Variants in CYTH1 observed in about 807,000 individuals in gnomAD.
The protein encoded by CYTH1 is cytohesin-1.
A neutral mutation model predicts 61.8 loss-of-function variants in CYTH1; 18 were observed. The observed-to-expected ratio is 0.29, with a 90% CI of 0.20 to 0.43. CYTH1 has a LOEUF of 0.43. CYTH1 is among the 20% of genes least tolerant of loss of function. The pLI, the probability that CYTH1 is intolerant of heterozygous loss-of-function variation, is 1.00. For missense variants in CYTH1, 336 were observed against 510.5 expected, an observed-to-expected ratio of 0.66 and a Z score of 3.29; for synonymous variants, 174 against 184.3, an observed-to-expected ratio of 0.94 and a Z score of 0.45.
At chr17:78,687,510 A>G (rs1335356406) in intron 11 of CYTH1, among the ~76,000 whole-genome samples, 1 of 152,198 alleles carries the variant, frequency 6.6e-6, no homozygotes, top group Non-Finnish European at 1.5e-5. Context: ...CACCTGGCTT[A>G]TTCTCAAATG....
intron 11 of CYTH1, among the ~76,000 whole-genome samples, chr17:78,684,413 G>A (rs761281543): frequency 6.6e-5 from 10 of 152,216 alleles, no homozygotes; most frequent in African/African-American, 9.6e-5. Context: ...GACTCTGGCA[G>A]GCCTAATAAC....
At chr17:78,708,931 T>C (rs1300000559) in intron 2 of CYTH1, 1 of 152,330 alleles carries the variant, frequency 6.6e-6, no homozygotes, top group African/African-American at 2.4e-5. Flanking sequence ...TCTTTCCTCA[T>C]TTTGCTACTT....
chr17:78,715,453 G>A (rs537987426), intron 1 of CYTH1, among the ~76,000 whole-genome samples: 3 of 152,158 alleles, frequency 2.0e-5, no homozygotes, highest in African/African-American at 7.2e-5. Context: ...AGGACAGCAA[G>A]CGCCATCAAC....
intron 1 of CYTH1, among the ~76,000 whole-genome samples, chr17:78,739,896 G>A (rs1473510018): frequency 6.6e-6 from 1 of 151,808 alleles, no homozygotes; most frequent in Non-Finnish European, 1.5e-5. Context: ...GGGTGACTCC[G>A]AGCTTTCTGG....
chr17:78,736,742 C>A (rs532849606), intron 1 of CYTH1: 4 of 410,532 alleles, frequency 9.7e-6, no homozygotes, highest in South Asian at 5.3e-5. Flanking sequence ...CAGCGGGACA[C>A]GAAAAGTCCG....
At chr17:78,680,379 A>C (rs532825704) in intron 12 of CYTH1, 35 bp from the exon 13 acceptor site, 1 of 1,582,904 alleles carries the variant, frequency 6.3e-7, no homozygotes, top group African/African-American at 1.4e-5. Flanking sequence ...AGAGTGGAGC[A>C]AAGGAAGCTG....
chr17:78,698,179 G>GCA, intron 9 of CYTH1, 90 bp downstream of exon 9: 1 of 1,056,868 alleles, frequency 9.5e-7, no homozygotes, highest in Non-Finnish European at 1.4e-6. Flanking sequence ...ACACGCACAC[G>GCA]CGCACACACG....
At chr17:78,722,765 C>T (rs578190432) in intron 1 of CYTH1, among the ~76,000 whole-genome samples, 4 of 152,274 alleles carry the variant, frequency 2.6e-5, no homozygotes, top group East Asian at 3.9e-4. Context: ...TTAAACGCGA[C>T]GTACAATTCC....
chr17:78,712,211 G>C (rs2093141796), intron 1 of CYTH1, among the ~76,000 whole-genome samples: 1 of 151,346 alleles, frequency 6.6e-6, no homozygotes, highest in South Asian at 2.1e-4. Context: ...GAGAGAAAGA[G>C]AAAGAAAAAG....
chr17:78,703,411 CAAAAAAAAA>C (rs67437891), intron 3 of CYTH1, among the ~76,000 whole-genome samples: 1 of 69,690 alleles, frequency 1.4e-5, no homozygotes, highest in Non-Finnish European at 2.6e-5. Context: ...ACTCCGTCTC[CAAAAAAAAA>C]AAAAAAAAAA....
At chr17:78,776,583 C>T (rs1008934376) in intron 1 of CYTH1, among the ~76,000 whole-genome samples, 10 of 148,932 alleles carry the variant, frequency 6.7e-5, no homozygotes, top group Admixed American at 4.0e-4. Context: ...CGCTTGAACC[C>T]GGGAGGCAGA....
At chr17:78,709,878 C>A (rs2093110032) in intron 1 of CYTH1, 146 bp from the exon 2 acceptor site, 1 of 666,546 alleles carries the variant, frequency 1.5e-6, no homozygotes, top group Admixed American at 2.9e-5. Context: ...ATAGTTATGG[C>A]TCCAATTCTT....
chr17:78,739,431 A>T (rs2093333504), intron 1 of CYTH1, among the ~76,000 whole-genome samples: 1 of 152,130 alleles, frequency 6.6e-6, no homozygotes, highest in African/African-American at 2.4e-5. Context: ...AGTACTGTGG[A>T]GTGGGGGAAG....
chr17:78,689,604 T>TCGTAACAGGCCACAGACTGGTAC (rs2092856022), intron 11 of CYTH1, among the ~76,000 whole-genome samples: 1 of 152,122 alleles, frequency 6.6e-6, no homozygotes, highest in Non-Finnish European at 1.5e-5. Context: ...GTGGCCTGGC[T>TCGTAACAGGCCACAGACTGGTAC]CGTAACAGGC....
At chr17:78,703,501 C>T in intron 3 of CYTH1, among the ~76,000 whole-genome samples, 1 of 149,344 alleles carries the variant, frequency 6.7e-6, no homozygotes, top group Admixed American at 6.7e-5. Context: ...TTTTAGTATA[C>T]TTACTAAGTT....
intron 10 of CYTH1, among the ~76,000 whole-genome samples, chr17:78,695,495 T>C (rs142663925): frequency 3.6e-4 from 55 of 152,312 alleles, no homozygotes; most frequent in East Asian, 2.9e-3. Flanking sequence ...CTAGTTTGCT[T>C]TTCCATCATG....
chr17:78,687,336 G>A (rs555453368), intron 11 of CYTH1, among the ~76,000 whole-genome samples: 7 of 152,252 alleles, frequency 4.6e-5, no homozygotes, highest in Admixed American at 2.6e-4. Context: ...GATGTTGGGC[G>A]TGGAAGCAGG....
intron 1 of CYTH1, among the ~76,000 whole-genome samples, chr17:78,745,878 G>A (rs539183501): frequency 5.6e-4 from 85 of 152,034 alleles, no homozygotes; most frequent in African/African-American, 2.0e-3. Flanking sequence ...CCAACAGAGC[G>A]AGACTCTGTC....
At chr17:78,736,080 C>A (rs1391387607) in intron 1 of CYTH1, among the ~76,000 whole-genome samples, 3 of 152,214 alleles carry the variant, frequency 2.0e-5, no homozygotes, top group African/African-American at 7.2e-5. Flanking sequence ...CACCTAACAA[C>A]CAAAGGGAGA....
Sources: gnomAD v4.1 joint callset for allele counts (sites outside exome capture counted in the v4.1 genomes callset) on GRCh38, gnomAD v4.1.1 for gene constraint, MANE v1.5 for transcripts, NCBI Gene and HGNC (gene_info 2026-07-23, HGNC 2026-07-21) for gene names.